The following DPYD variants were observed in gnomAD, a reference collection of about 807,000 sequenced individuals.
The protein encoded by DPYD is dihydropyrimidine dehydrogenase.
In DPYD, 109 loss-of-function variants were observed where a neutral mutation model predicts 116.2. The ratio of observed to expected loss-of-function variants is 0.94; its 90% CI spans 0.80 to 1.10. The LOEUF (loss-of-function observed/expected upper bound fraction) is 1.10. Among genes scored for constraint, DPYD ranks in the 50% least tolerant of loss-of-function variants. The probability of loss-of-function intolerance (pLI) is 0.00; values close to 1 mark genes in which losing one functional copy is unlikely to be tolerated. For synonymous variants in DPYD, 440 were observed against 432.0 expected, an observed-to-expected ratio of 1.02 and a Z score of -0.23; for missense variants, 1,302 against 1,254.5, an observed-to-expected ratio of 1.04 and a Z score of -0.57.
intron 15 of DPYD, among the ~76,000 whole-genome samples, chr1:97,375,452 T>C (rs1160384174): frequency 6.6e-6 from 1 of 152,230 alleles, no homozygotes; most frequent in African/African-American, 2.4e-5. Context: ...GCACATTTGT[T>C]AAAGTCCATT....
chr1:97,820,288 A>C (rs1440387057), intron 3 of DPYD, among the ~76,000 whole-genome samples: 1 of 152,148 alleles, frequency 6.6e-6, no homozygotes, highest in Admixed American at 6.5e-5. Context: ...ACATTAGGCT[A>C]ATACACACAG....
At chr1:97,848,702 T>C (rs1670429836) in intron 2 of DPYD, among the ~76,000 whole-genome samples, 4 of 152,210 alleles carry the variant, frequency 2.6e-5, no homozygotes, top group Admixed American at 6.5e-5. Flanking sequence ...TAATTAAGTA[T>C]AAGCAGAATC....
intron 7 of DPYD, among the ~76,000 whole-genome samples, chr1:97,690,004 T>C (rs1024323877): frequency 1.3e-5 from 2 of 152,102 alleles, no homozygotes; most frequent in African/African-American, 4.8e-5. Flanking sequence ...CTCAATAATG[T>C]AACAGATTCA....
At chr1:97,279,614 G>T (rs983030707) in intron 18 of DPYD, among the ~76,000 whole-genome samples, 1 of 152,120 alleles carries the variant, frequency 6.6e-6, no homozygotes, top group African/African-American at 2.4e-5. Flanking sequence ...GAGTTCGAGC[G>T]ATTCTCCTGC....
chr1:97,127,193 A>G (rs1386597735), intron 20 of DPYD, among the ~76,000 whole-genome samples: 4 of 152,174 alleles, frequency 2.6e-5, no homozygotes, highest in Non-Finnish European at 5.9e-5. Context: ...ATAAAGAGAA[A>G]AGACATTCCA....
chr1:97,257,949 T>C (rs977284148), intron 18 of DPYD, among the ~76,000 whole-genome samples: 3 of 152,112 alleles, frequency 2.0e-5, no homozygotes, highest in Non-Finnish European at 2.9e-5. Flanking sequence ...TTTGTCTAGT[T>C]GGGTCATCTT....
At chr1:97,207,367 G>A (rs1397516706) in intron 19 of DPYD, among the ~76,000 whole-genome samples, 3 of 152,048 alleles carry the variant, frequency 2.0e-5, no homozygotes, top group Non-Finnish European at 4.4e-5. Flanking sequence ...CTTTGGATAT[G>A]CCAATGTATT....
At chr1:97,869,079 T>C (rs1196692261) in intron 2 of DPYD, among the ~76,000 whole-genome samples, 1 of 151,728 alleles carries the variant, frequency 6.6e-6, no homozygotes, top group Admixed American at 6.6e-5. Context: ...AAGTGGAAAA[T>C]GGCCACCCTG....
chr1:97,681,442 G>C (rs1157275188), intron 7 of DPYD, among the ~76,000 whole-genome samples: 6 of 152,096 alleles, frequency 3.9e-5, no homozygotes, highest in African/African-American at 1.4e-4. Flanking sequence ...TCCTAAAATA[G>C]TAATTCTGTT....
At chr1:97,616,621 G>A (rs79470803) in intron 8 of DPYD, among the ~76,000 whole-genome samples, 1,994 of 152,110 alleles carry the variant, frequency 0.013, 23 homozygotes, top group Middle Eastern at 0.024. Flanking sequence ...ATTAAAAACC[G>A]TCTCTAACCA....
At chr1:97,465,000 CTGCAA>C (rs1677236464) in intron 13 of DPYD, among the ~76,000 whole-genome samples, 1 of 152,198 alleles carries the variant, frequency 6.6e-6, no homozygotes, top group East Asian at 1.9e-4. Flanking sequence ...GGGCTATACC[CTGCAA>C]AGCCACAGGA....
intron 21 of DPYD, among the ~76,000 whole-genome samples, chr1:97,092,812 A>G (rs12062102): frequency 0.15 from 21,743 of 149,016 alleles, 1,708 homozygotes; most frequent in Non-Finnish European, 0.18. Context: ...TCTCTGTGGA[A>G]CCATAAAAAA....
At chr1:97,143,792 C>T (rs916042964) in intron 20 of DPYD, among the ~76,000 whole-genome samples, 6 of 152,122 alleles carry the variant, frequency 3.9e-5, no homozygotes, top group Non-Finnish European at 7.4e-5. Context: ...GATTTTACAG[C>T]CCATCTTCGT....
chr1:97,400,453 G>A (rs1333978093), intron 14 of DPYD, among the ~76,000 whole-genome samples: 1 of 152,148 alleles, frequency 6.6e-6, no homozygotes, highest in African/African-American at 2.4e-5. Flanking sequence ...TCAGGATGAT[G>A]CTGGCCTCAT....
chr1:97,577,294 A>G (rs1442607502), intron 10 of DPYD, among the ~76,000 whole-genome samples: 1 of 152,088 alleles, frequency 6.6e-6, no homozygotes, highest in East Asian at 1.9e-4. Flanking sequence ...CTGCTCCCTG[A>G]TCACCACATC....
chr1:97,520,985 A>G (rs1162563718), intron 12 of DPYD, among the ~76,000 whole-genome samples: 7 of 152,170 alleles, frequency 4.6e-5, no homozygotes, highest in South Asian at 2.1e-4. Context: ...CTTTGGGTAT[A>G]TACTTAGTAA....
chr1:97,259,850 GCAATGGTTGA>G, intron 18 of DPYD, among the ~76,000 whole-genome samples: 1 of 152,134 alleles, frequency 6.6e-6, no homozygotes, highest in South Asian at 2.1e-4. Flanking sequence ...GATGATATGG[GCAATGGTTGA>G]CATAGATAGA....
Position 97,759,269 on chromosome 1 carries a change from T to C in DPYD, c.234-18790A>G, listed in dbSNP as rs12022669. ...AAGTTCTAAGAGCCCAAGGCATTTGTTGACTAATCATTAGGTCAGATTTCT... is the reference window on the plus strand; with the variant it reads ...AAGTTCTAAGAGCCCAAGGCATTTGCTGACTAATCATTAGGTCAGATTTCT... On this transcript the variant is annotated intron_variant, in intron 3 of 22. Transcript: ENST00000370192. Among the ~76,000 whole-genome samples the C allele has an allele frequency of 1.8e-3, 275 of 152,328 alleles. 9 individuals carry two copies. The East Asian group carries it at 0.048, about 26-fold the overall frequency.
intron 8 of DPYD, among the ~76,000 whole-genome samples, chr1:97,599,961 G>A (rs893917327): frequency 6.8e-6 from 1 of 147,860 alleles, no homozygotes; most frequent in Non-Finnish European, 1.5e-5. Flanking sequence ...CACAAGAATC[G>A]CTGCACCTGG....
Sources: gnomAD v4.1 joint callset for allele counts (sites outside exome capture counted in the v4.1 genomes callset) on GRCh38, gnomAD v4.1.1 for gene constraint, MANE v1.5 for transcripts, NCBI Gene and HGNC (gene_info 2026-07-23, HGNC 2026-07-21) for gene names.